Variants in PALD1 observed in about 807,000 individuals in gnomAD.
PALD1 encodes phosphatase domain containing paladin 1.
In PALD1, 57 loss-of-function variants were observed where a neutral mutation model predicts 96.0. The ratio of observed to expected loss-of-function variants is 0.59; its 90% CI spans 0.48 to 0.74. PALD1 has a LOEUF of 0.74. PALD1 is among the 30% of genes least tolerant of loss of function. The probability of loss-of-function intolerance (pLI) is 0.00; values close to 1 mark genes in which losing one functional copy is unlikely to be tolerated. For synonymous variants in PALD1, 464 were observed against 473.6 expected (o/e 0.98, Z 0.26); for missense variants, 1,063 against 1,143.7 (o/e 0.93, Z 1.02).
At chr10:70,491,136 G>A (rs536864270) in intron 1 of PALD1, among the ~76,000 whole-genome samples, 6 of 152,232 alleles carry the variant, frequency 3.9e-5, no homozygotes, top group African/African-American at 7.2e-5. Flanking sequence ...TAGTAGAGAC[G>A]GGGTTTCACC....
chr10:70,486,728 C>T (rs1356103076), intron 1 of PALD1, among the ~76,000 whole-genome samples: 5 of 151,938 alleles, frequency 3.3e-5, no homozygotes, highest in South Asian at 2.1e-4. Context: ...GCCACTGCAC[C>T]CCAGCCTGGG....
chr10:70,537,809 A>C lies in PALD1; in HGVS notation c.1228-2A>C. On this transcript the variant is annotated splice_acceptor_variant, in intron 10 of 19. Transcript: ENST00000263563. LOFTEE classifies it high-confidence loss of function. ...TCCTTAACACCCTGTCCTCTCTCTC[A>C]GGGAAGCGGCAGCCGACACAGCGTC... 6.2e-7 allele frequency: 1 copy of C among 1,609,188 alleles called. No individual in the cohort carries two copies. Among genetic ancestry groups the C allele is most frequent in the Non-Finnish European group, 8.5e-7 (1 of 1,175,926 alleles).
At chr10:70,484,064 G>A (rs1453894222) in intron 1 of PALD1, among the ~76,000 whole-genome samples, 1 of 152,032 alleles carries the variant, frequency 6.6e-6, no homozygotes, top group African/African-American at 2.4e-5. Flanking sequence ...GTGCAGTGGC[G>A]CATTCTTAGC....
intron 18 of PALD1, 88 bp from the exon 19 acceptor site, chr10:70,564,276 C>A: frequency 7.2e-7 from 1 of 1,388,204 alleles, no homozygotes; most frequent in Non-Finnish European, 9.8e-7. Context: ...ATCACCCTGC[C>A]CTGGCACTCA....
intron 18 of PALD1, among the ~76,000 whole-genome samples, chr10:70,554,530 G>A (rs1001060571): frequency 6.6e-6 from 1 of 152,144 alleles, no homozygotes; most frequent in African/African-American, 2.4e-5. Context: ...TTAGAATGCC[G>A]GGCCCTGGCT....
intron 1 of PALD1, among the ~76,000 whole-genome samples, chr10:70,491,224 C>T (rs896925802): frequency 6.6e-6 from 1 of 152,170 alleles, no homozygotes; most frequent in Non-Finnish European, 1.5e-5. Flanking sequence ...GGATTACAGG[C>T]GTGAGCCACT....
In PALD1 at chr10:70,558,968, A is replaced by C. The variant is rs545698294; in HGVS notation, c.2263-5396A>C. Reference sequence around the variant, plus strand: ...GTGAGCTAAGTTGCATTTTTCTATCAGCCGAGGGTCTGGTGATAGCTGGGC... The same window carrying C: ...GTGAGCTAAGTTGCATTTTTCTATCCGCCGAGGGTCTGGTGATAGCTGGGC... On this transcript the variant is annotated intron_variant, in intron 18 of 19. Coordinates refer to ENST00000263563, the MANE Select transcript of PALD1 (RefSeq NM_014431.3). Among the ~76,000 whole-genome samples the C allele has an allele frequency of 1.2e-3, 181 of 152,202 alleles. 1 individual carries two copies. Among genetic ancestry groups the C allele is most frequent in the African/African-American group, 4.2e-3 (174 of 41,536 alleles).
At chr10:70,500,465 C>T (rs1846272631) in intron 1 of PALD1, among the ~76,000 whole-genome samples, 1 of 152,202 alleles carries the variant, frequency 6.6e-6, no homozygotes, top group Non-Finnish European at 1.5e-5. Flanking sequence ...GCCTCACAAG[C>T]ACCTTAATTC....
chr10:70,498,665 G>A (rs763709803), intron 1 of PALD1, among the ~76,000 whole-genome samples: 12 of 151,708 alleles, frequency 7.9e-5, no homozygotes, highest in Non-Finnish European at 1.3e-4. Context: ...GGTGGCTCAC[G>A]CCTGTAATCC....
intron 18 of PALD1, among the ~76,000 whole-genome samples, chr10:70,558,793 A>G (rs965667885): frequency 6.6e-6 from 1 of 152,172 alleles, no homozygotes; most frequent in Non-Finnish European, 1.5e-5. Flanking sequence ...TAGAGAAAGT[A>G]TGAAAATACA....
chr10:70,503,715 G>A (rs10999360), intron 1 of PALD1, among the ~76,000 whole-genome samples: 48,273 of 152,072 alleles, frequency 0.32, 8,150 homozygotes, highest in East Asian at 0.48. Context: ...TTGTAACTTC[G>A]TGTTTTGTTT....
intron 2 of PALD1, 84 bp downstream of exon 2, chr10:70,526,220 A>G (rs1846865135): frequency 2.7e-6 from 3 of 1,120,888 alleles, no homozygotes; most frequent in Admixed American, 3.7e-5. Flanking sequence ...GGCATACAGC[A>G]CTTAACGCTT....
In PALD1 at chr10:70,495,115, G is replaced by A. The variant is rs572427649; in HGVS notation, c.-30+16056G>A. On this transcript the variant is annotated intron_variant, in intron 1 of 19. Coordinates refer to ENST00000263563, the MANE Select transcript of PALD1 (RefSeq NM_014431.3). ...CTTTCAGTTCTGTGTTCTTCCCACC[G>A]CAGGGCATCTGCACGGGCCGTTCCC... 3.3e-5 allele frequency among the ~76,000 whole-genome samples: 5 copies of A among 152,290 alleles called. No homozygotes were observed. The South Asian group carries it at 6.2e-4, about 19-fold the overall frequency.
At chr10:70,531,835 T>C (rs1846999295) in intron 5 of PALD1, among the ~76,000 whole-genome samples, 1 of 151,816 alleles carries the variant, frequency 6.6e-6, no homozygotes, top group African/African-American at 2.4e-5. Context: ...TACAAAAAAT[T>C]AGCTGGACGT....
chr10:70,547,987 T>C (rs962800774), intron 18 of PALD1, among the ~76,000 whole-genome samples: 1 of 152,060 alleles, frequency 6.6e-6, no homozygotes, highest in Admixed American at 6.6e-5. Context: ...TAAAAATTGT[T>C]TTTAAATAAC....
At chr10:70,562,450 A>C (rs1847760389) in intron 18 of PALD1, among the ~76,000 whole-genome samples, 1 of 152,206 alleles carries the variant, frequency 6.6e-6, no homozygotes, top group Admixed American at 6.5e-5. Flanking sequence ...GGACTGTGCC[A>C]CGTCTGAGGC....
At chr10:70,543,303 A>T (rs1335298328) in intron 17 of PALD1, among the ~76,000 whole-genome samples, 1 of 152,108 alleles carries the variant, frequency 6.6e-6, no homozygotes, top group Non-Finnish European at 1.5e-5. Flanking sequence ...AAGAGAGGTG[A>T]TATGTAAATA....
At chr10:70,529,079 A>G (rs918374384) in intron 2 of PALD1, 150 bp from the exon 3 acceptor site, 2 of 568,576 alleles carry the variant, frequency 3.5e-6, no homozygotes, top group South Asian at 4.0e-5. Flanking sequence ...GAAGAAGGGA[A>G]GAGTGGATAT....
intron 18 of PALD1, among the ~76,000 whole-genome samples, chr10:70,562,706 G>A (rs1204847299): frequency 6.6e-6 from 1 of 152,120 alleles, no homozygotes; most frequent in Admixed American, 6.5e-5. Context: ...AAGGGGATGG[G>A]TGTGAGGCGA....
Sources: gnomAD v4.1 joint callset for allele counts (sites outside exome capture counted in the v4.1 genomes callset) on GRCh38, gnomAD v4.1.1 for gene constraint, MANE v1.5 for transcripts, NCBI Gene and HGNC (gene_info 2026-07-23, HGNC 2026-07-21) for gene names.